DEFB110: variants seen among roughly 807,000 people sequenced by gnomAD.
The protein encoded by DEFB110 is defensin beta 110, also known as beta-defensin 110.
Under a neutral mutation model 2.5 loss-of-function variants are expected in DEFB110, and 4 were observed. That is an observed-to-expected ratio of 1.60 (90% CI 0.79 to 3.66). The LOEUF (loss-of-function observed/expected upper bound fraction) is 3.66, where lower values mean the gene tolerates loss of function less well. DEFB110 is among the 30% of genes most tolerant of loss of function. The pLI is 0.01. For missense variants in DEFB110, 94 were observed against 75.4 expected, an observed-to-expected ratio of 1.25 and a Z score of -0.91; for synonymous variants, 29 against 21.8, an observed-to-expected ratio of 1.33 and a Z score of -0.92.
At chr6:50,011,138 T>G (rs1038346378) in intron 1 of DEFB110, among the ~76,000 whole-genome samples, 1 of 151,544 alleles carries the variant, frequency 6.6e-6, no homozygotes, top group Admixed American at 6.6e-5. Context: ...CCCTTTGTAT[T>G]GTTATGAAAA....
chr6:50,019,037 T>C lies in DEFB110; in HGVS notation c.144A>G (p.Glu48=). 6.2e-7 allele frequency: 1 copy of C among 1,613,242 alleles called. No individual in the cohort carries two copies. The highest frequency in any genetic ancestry group is 8.5e-7 in the Non-Finnish European group (1 of 1,179,442). Reference sequence around the variant, plus strand: ...TGCAGTAAGCAATCCTAATTTCATTTTCATGACACTGATTTTTACATTGAC... The same window carrying C: ...TGCAGTAAGCAATCCTAATTTCATTCTCATGACACTGATTTTTACATTGAC... ...GNGQCKNQCH[E]NEIRIAYCIR... is the part of the protein sequence containing the mutation. The change falls in exon 2 of 2, where the codon GAA becomes GAG. Residue 48 remains glutamate (E), a synonymous_variant. Coordinates refer to ENST00000371148, the MANE Select transcript of DEFB110 (RefSeq NM_001037497.2).
intron 1 of DEFB110, among the ~76,000 whole-genome samples, chr6:50,012,706 AT>A (rs750201651): frequency 5.9e-5 from 9 of 151,882 alleles, no homozygotes; most frequent in Non-Finnish European, 1.2e-4. Flanking sequence ...TAATTTACAT[AT>A]TTTTCTCTAC....
chr6:50,016,245 T>C (rs1266677321), downstream of DEFB110, among the ~76,000 whole-genome samples: 1 of 151,848 alleles, frequency 6.6e-6, no homozygotes, highest in African/African-American at 2.4e-5. Flanking sequence ...CTAATTTCAA[T>C]ATAATGCTTT....
rs773124595 is a variant in DEFB110, at chr6:50,021,928, A to C, written c.8T>G (p.Ile3Ser). The change falls in exon 1 of 2, where the codon ATT (isoleucine) becomes AGT (serine). Residue 3 changes from isoleucine (I) to serine (S), a missense_variant. Coordinates refer to ENST00000371148, the MANE Select transcript of DEFB110 (RefSeq NM_001037497.2). MK[I>S]QLFFFILHFW... ...GTGCAGAATAAAGAAAAAAAGTTGA[A>C]TCTTCATGGTAGAGAGTTTCTTAAA... The C allele has an allele frequency of 6.4e-7, 1 of 1,561,978 alleles. No individual in the cohort carries two copies. Among genetic ancestry groups the C allele is most frequent in the Non-Finnish European group, 8.6e-7 (1 of 1,162,252 alleles).
At chr6:50,020,853 G>A (rs1350164149) in intron 1 of DEFB110, among the ~76,000 whole-genome samples, 1 of 152,136 alleles carries the variant, frequency 6.6e-6, no homozygotes, top group Non-Finnish European at 1.5e-5. Context: ...TACATTTTCT[G>A]AGGAGTTATT....
chr6:50,016,053 A>G (rs1774310748), downstream of DEFB110, among the ~76,000 whole-genome samples: 1 of 151,828 alleles, frequency 6.6e-6, no homozygotes, highest in African/African-American at 2.4e-5. Context: ...CCTGGGAAGA[A>G]GTAATCCACT....
In DEFB110 at chr6:50,018,984, T is replaced by A; in HGVS notation, c.197A>T (p.Gln66Leu). The A allele has an allele frequency of 1.2e-6, 2 of 1,610,774 alleles. No homozygotes were observed. The highest frequency in any genetic ancestry group is 1.7e-6 in the Non-Finnish European group (2 of 1,178,574). The change falls in exon 2 of 2, where the codon CAG (glutamine) becomes CTG (leucine). Residue 66 changes from glutamine (Q) to leucine (L), a missense_variant. Gln to Leu is a moderately radical substitution (Grantham distance 113). Coordinates refer to ENST00000371148, the MANE Select transcript of DEFB110 (RefSeq NM_001037497.2). ...CIRPGTHCCLQQ is the reference protein window; with the variant it reads ...CIRPGTHCCLLQ ...TCTTTTCTTCTGTCATCGTTACTGCTGCAAGCAGCAATGAGTTCCAGGTCT... is the reference window on the plus strand; with the variant it reads ...TCTTTTCTTCTGTCATCGTTACTGCAGCAAGCAGCAATGAGTTCCAGGTCT...
At chr6:50,021,518 C>T (rs1322334367) in intron 1 of DEFB110, among the ~76,000 whole-genome samples, 1 of 152,186 alleles carries the variant, frequency 6.6e-6, no homozygotes, top group African/African-American at 2.4e-5. Flanking sequence ...TTCTGTCTCA[C>T]ATCACTTTTT....
intron 1 of DEFB110, among the ~76,000 whole-genome samples, chr6:50,011,028 C>A (rs1451414722): frequency 6.6e-6 from 1 of 151,664 alleles, no homozygotes; most frequent in African/African-American, 2.4e-5. Flanking sequence ...AAAAAGCATG[C>A]ATTGTAAAAT....
intron 1 of DEFB110, among the ~76,000 whole-genome samples, chr6:50,021,436 A>G (rs1454644259): frequency 6.6e-6 from 1 of 152,176 alleles, no homozygotes; most frequent in East Asian, 1.9e-4. Flanking sequence ...TCTGCCTTCA[A>G]ATACATTGTT....
downstream of DEFB110, among the ~76,000 whole-genome samples, chr6:50,017,857 G>T (rs1190167922): frequency 6.6e-6 from 1 of 151,584 alleles, no homozygotes; most frequent in Non-Finnish European, 1.5e-5. Context: ...GGAATTTTTT[G>T]ATTTACCATC....
chr6:50,011,569 TGTTCG>T (rs1166640430), intron 1 of DEFB110, among the ~76,000 whole-genome samples: 1 of 152,044 alleles, frequency 6.6e-6, no homozygotes, highest in Non-Finnish European at 1.5e-5. Flanking sequence ...GGGACAAATC[TGTTCG>T]AAAGCTAGAG....
downstream of DEFB110, among the ~76,000 whole-genome samples, chr6:50,017,116 C>T (rs1774332271): frequency 6.6e-6 from 1 of 151,738 alleles, no homozygotes; most frequent in African/African-American, 2.4e-5. Flanking sequence ...AAAAATCAAA[C>T]TTTCATAACT....
chr6:50,011,193 A>G (rs1434490809), intron 1 of DEFB110, among the ~76,000 whole-genome samples: 2 of 151,368 alleles, frequency 1.3e-5, no homozygotes, highest in African/African-American at 4.8e-5. Context: ...ATATTGATAT[A>G]TATATATCAA....
At chr6:50,015,051 C>T (rs1273978250), downstream of DEFB110, among the ~76,000 whole-genome samples, 1 of 151,766 alleles carries the variant, frequency 6.6e-6, no homozygotes, top group Non-Finnish European at 1.5e-5. Flanking sequence ...CACCTAATAT[C>T]CTTCCCATTT....
At chr6:50,016,686 T>A (rs1208723355), downstream of DEFB110, among the ~76,000 whole-genome samples, 1 of 150,008 alleles carries the variant, frequency 6.7e-6, no homozygotes, top group Non-Finnish European at 1.5e-5. Context: ...GTTTTCAGTC[T>A]TTTTTTCACG....
chr6:50,020,208 A>G (rs1041426581), intron 1 of DEFB110, among the ~76,000 whole-genome samples: 4 of 152,108 alleles, frequency 2.6e-5, no homozygotes, highest in Admixed American at 2.0e-4. Context: ...CAAAGCTGTA[A>G]GAAAAGATAT....
At chr6:50,014,519 A>G (rs1774283466), downstream of DEFB110, among the ~76,000 whole-genome samples, 1 of 151,904 alleles carries the variant, frequency 6.6e-6, no homozygotes, top group African/African-American at 2.4e-5. Flanking sequence ...TTGACTTACA[A>G]AATGGCAAAG....
rs552362528 is a variant in DEFB110, at chr6:50,012,524, A to G, written c.56-3253T>C. 1.2e-4 allele frequency among the ~76,000 whole-genome samples: 19 copies of G among 152,048 alleles called. 1 individual carries two copies. The South Asian group carries it at 3.9e-3, about 32-fold the overall frequency. On this transcript the variant is annotated intron_variant, in intron 1 of 1. Transcript: ENST00000393660. The stretch of plus-strand genomic sequence containing the variant: ...CAAGTGACTTAGGCCCTATATTTGC[A>G]GTTTCCTTAAGTGAAAAATGCATTT...
Sources: allele counts gnomAD v4.1 joint callset (sites outside exome capture counted in the v4.1 genomes callset), GRCh38; gene constraint gnomAD v4.1.1; transcripts MANE v1.5; gene names NCBI Gene and HGNC (gene_info 2026-07-23, HGNC 2026-07-21).